Variants in ATP6V0C observed in about 807,000 individuals in gnomAD.
The protein encoded by ATP6V0C is ATPase H+ transporting V0 subunit c.
Under a neutral mutation model 10.6 loss-of-function variants are expected in ATP6V0C, and 2 were observed. The observed-to-expected ratio is 0.19, with a 90% CI of 0.08 to 0.59. The LOEUF (loss-of-function observed/expected upper bound fraction) is 0.59, where lower values mean the gene tolerates loss of function less well. Ranked by LOEUF, ATP6V0C falls within the 20% of genes least tolerant of loss-of-function variation. ATP6V0C has a pLI of 0.90. For synonymous variants in ATP6V0C, 128 were observed against 101.3 expected (o/e 1.26, Z -1.59); for missense variants, 89 against 225.9 (o/e 0.39, Z 3.88).
Position 2,519,673 on chromosome 16 carries a change from C to A in ATP6V0C, c.396C>A (p.Ile132=). 6.2e-7 allele frequency: 1 copy of A among 1,612,356 alleles called. No homozygotes were observed. The highest frequency in any genetic ancestry group is 8.5e-7 in the Non-Finnish European group (1 of 1,178,614). ...AQQPRLFVGM[I]LILIFAEVLG... ...AGCCCCGACTATTCGTGGGCATGAT[C>A]CTGATTCTCATCTTCGCCGAGGTGC... The change falls in exon 3 of 3, where the codon ATC becomes ATA. Residue 132 remains isoleucine, a synonymous_variant. Coordinates refer to ENST00000330398, the MANE Select transcript of ATP6V0C (RefSeq NM_001694.4).
At chr16:2,518,983 C>A in intron 1 of ATP6V0C, 1 of 506,098 alleles carries the variant, frequency 2.0e-6, no homozygotes, top group Non-Finnish European at 3.5e-6. Context: ...GAGCTGGACT[C>A]TGAGGGTGGG....
chr16:2,515,050 C>G (rs1174389653), intron 1 of ATP6V0C, among the ~76,000 whole-genome samples: 1 of 152,028 alleles, frequency 6.6e-6, no homozygotes, highest in Non-Finnish European at 1.5e-5. Flanking sequence ...AATGACCTTC[C>G]TTTCCCTCCC....
chr16:2,517,526 C>G (rs1362939042), intron 1 of ATP6V0C: 3 of 152,436 alleles, frequency 2.0e-5, no homozygotes, highest in African/African-American at 7.2e-5. Flanking sequence ...CCCTTCTCCG[C>G]TCTCCTGGAG....
intron 1 of ATP6V0C, chr16:2,514,534 G>C (rs2065867239): frequency 6.6e-6 from 1 of 152,246 alleles, no homozygotes; most frequent in African/African-American, 2.4e-5. Context: ...GGGGGGCGGC[G>C]CGAGGGGGGC....
chr16:2,514,058 G>A lies in ATP6V0C; in HGVS notation c.-46G>A, dbSNP rs755128704. 7 of 1,488,084 alleles carry A rather than the reference G, an allele frequency of 4.7e-6. No individual in the cohort carries two copies. The highest frequency in any genetic ancestry group is 4.5e-6 in the Non-Finnish European group (5 of 1,102,354). 92.2% of individuals were successfully genotyped at this position (1,488,084 alleles called of 1,614,324 possible). On this transcript the variant is annotated 5_prime_UTR_variant, in exon 1 of 3. Transcript: ENST00000330398. ...CCGGCCCGTCCTCGCCCCCGCCTCCGCCACCGCCTCGGCCCGCAGAGCTTG... is the reference window on the plus strand; with the variant it reads ...CCGGCCCGTCCTCGCCCCCGCCTCCACCACCGCCTCGGCCCGCAGAGCTTG...
chr16:2,520,174 C>G lies in ATP6V0C; in HGVS notation c.*429C>G, dbSNP rs556246645. 28 of 514,900 alleles carry G rather than the reference C, an allele frequency of 5.4e-5. 1 individual carries two copies. The highest frequency in any genetic ancestry group is 2.4e-4 in the South Asian group (13 of 53,132). The allele number at this position is 514,900 out of a possible 1,614,324, so 31.9% of individuals were successfully genotyped here. A position where few individuals can be genotyped will look rare whatever the true frequency, so the allele number is the denominator to read the frequency against. ...ATGGAGCCGCCCTCACCGCCGGGCC[C>G]GTGGCCCTGCGCGGAGCTGTGTCCA... On this transcript the variant is annotated 3_prime_UTR_variant, in exon 3 of 3. Coordinates refer to ENST00000330398, the MANE Select transcript of ATP6V0C (RefSeq NM_001694.4).
chr16:2,515,666 C>T (rs967904433), intron 1 of ATP6V0C, among the ~76,000 whole-genome samples: 2 of 152,154 alleles, frequency 1.3e-5, no homozygotes, highest in Admixed American at 6.5e-5. Flanking sequence ...CTCCTCTGTT[C>T]TTTGCCCTCA....
chr16:2,515,607 C>T (rs1430385962), intron 1 of ATP6V0C, among the ~76,000 whole-genome samples: 1 of 152,190 alleles, frequency 6.6e-6, no homozygotes, highest in African/African-American at 2.4e-5. Flanking sequence ...CTGCTCTTTC[C>T]ACAGACTCAA....
chr16:2,519,826 C>A lies in ATP6V0C; in HGVS notation c.*81C>A. The A allele has an allele frequency of 6.6e-7, 1 of 1,524,306 alleles. No individual in the cohort carries two copies. Among genetic ancestry groups the A allele is most frequent in the Non-Finnish European group, 9.0e-7 (1 of 1,106,252 alleles). The allele number at this position is 1,524,306 out of a possible 1,614,324, so 94.4% of individuals were successfully genotyped here. On this transcript the variant is annotated 3_prime_UTR_variant, in exon 3 of 3. Coordinates refer to ENST00000330398, the MANE Select transcript of ATP6V0C (RefSeq NM_001694.4). Reference sequence around the variant, plus strand: ...TCCAGAACGAACAGCCTGACACATACGCACGGGGCCGCCGCCCCCAGTAGT... The same window carrying A: ...TCCAGAACGAACAGCCTGACACATAAGCACGGGGCCGCCGCCCCCAGTAGT...
chr16:2,518,055 T>G (rs558146038), intron 1 of ATP6V0C: 1 of 152,446 alleles, frequency 6.6e-6, no homozygotes, highest in South Asian at 2.1e-4. Flanking sequence ...CGTGAGCCAC[T>G]GCGCCTGGCC....
At position 2,518,961 on chromosome 16, in the gene ATP6V0C, C is replaced by A. The variant is rs530604819; in HGVS notation, c.80-257C>A. ...ATGGGTCACGCCGCCCCAAGAGCTG[C>A]TGCTGGAGGAAGAGCTGGACTCTGA... is the stretch of plus-strand genomic sequence containing the variant. On this transcript the variant is annotated intron_variant, in intron 1 of 2. Coordinates refer to ENST00000330398, the MANE Select transcript of ATP6V0C (RefSeq NM_001694.4). The A allele has an allele frequency of 9.0e-4, 419 of 468,150 alleles. 1 individual carries two copies. The highest frequency in any genetic ancestry group is 1.4e-3 in the Non-Finnish European group (359 of 262,348). The allele number at this position is 468,150 out of a possible 1,614,324, so 29.0% of individuals were successfully genotyped here.
chr16:2,513,948 T>A, upstream of ATP6V0C: 3 of 588,650 alleles, frequency 5.1e-6, no homozygotes, highest in Non-Finnish European at 5.6e-6. Context: ...GCGGCCGCCA[T>A]TTTGTTCTGC....
intron 1 of ATP6V0C, among the ~76,000 whole-genome samples, chr16:2,515,717 G>A (rs1179488883): frequency 6.6e-6 from 1 of 152,162 alleles, no homozygotes; most frequent in Non-Finnish European, 1.5e-5. Flanking sequence ...CCACCTGTGG[G>A]GTATTAGCTT....
Position 2,519,748 on chromosome 16 carries a change from C to A in ATP6V0C, c.*3C>A. On this transcript the variant is annotated 3_prime_UTR_variant, in exon 3 of 3. Coordinates refer to ENST00000330398, the MANE Select transcript of ATP6V0C (RefSeq NM_001694.4). ...CCCTCATCCTCTCCACAAAGTAGAC[C>A]CTCTCCGAGCCCACCAGCCACAGAA... 1 of 1,590,214 alleles carries A rather than the reference C, an allele frequency of 6.3e-7. No homozygotes were observed. The highest frequency in any genetic ancestry group is 8.6e-7 in the Non-Finnish European group (1 of 1,163,208).
intron 1 of ATP6V0C, among the ~76,000 whole-genome samples, chr16:2,515,087 C>G (rs1176729625): frequency 6.6e-6 from 1 of 152,054 alleles, no homozygotes; most frequent in South Asian, 2.1e-4. Flanking sequence ...GAGGGGCTTC[C>G]CTGGGCTTGG....
chr16:2,515,112 A>C (rs2065870842), intron 1 of ATP6V0C, among the ~76,000 whole-genome samples: 2 of 151,898 alleles, frequency 1.3e-5, no homozygotes, highest in African/African-American at 4.8e-5. Context: ...GGGGCCTTCT[A>C]GGGTTCTTGG....
intron 1 of ATP6V0C, among the ~76,000 whole-genome samples, chr16:2,516,439 C>T (rs1228875211): frequency 2.6e-5 from 4 of 152,198 alleles, no homozygotes; most frequent in African/African-American, 9.7e-5. Context: ...TCTGCCTTCT[C>T]AGCATGCTTT....
At chr16:2,516,013 T>C (rs1331971198) in intron 1 of ATP6V0C, among the ~76,000 whole-genome samples, 1 of 152,000 alleles carries the variant, frequency 6.6e-6, no homozygotes, top group Non-Finnish European at 1.5e-5. Flanking sequence ...TTCCTGCTTA[T>C]CCCTGGCTCT....
chr16:2,515,129 C>G (rs1463262336), intron 1 of ATP6V0C, among the ~76,000 whole-genome samples: 7 of 152,030 alleles, frequency 4.6e-5, no homozygotes, highest in East Asian at 1.9e-4. Context: ...TTGGTGGCAC[C>G]CTGCTTTTGA....
Sources: gnomAD v4.1 joint callset for allele counts (sites outside exome capture counted in the v4.1 genomes callset) on GRCh38, gnomAD v4.1.1 for gene constraint, MANE v1.5 for transcripts, NCBI Gene and HGNC (gene_info 2026-07-23, HGNC 2026-07-21) for gene names.